NOVA1: variants seen among roughly 807,000 people sequenced by gnomAD.
NOVA1 encodes RNA-binding protein Nova-1.
In NOVA1, 7 loss-of-function variants were observed where a neutral mutation model predicts 38.0. The observed-to-expected ratio is 0.18, with a 90% confidence interval of 0.10 to 0.35. The LOEUF (loss-of-function observed/expected upper bound fraction) is 0.35. NOVA1 is among the 10% of genes least tolerant of loss of function. NOVA1 has a pLI of 1.00. For missense variants in NOVA1, 460 were observed against 616.0 expected (o/e 0.75, Z 2.68); for synonymous variants, 270 against 232.5 (o/e 1.16, Z -1.47).
intron 4 of NOVA1, among the ~76,000 whole-genome samples, chr14:26,466,877 A>C (rs1884185508): frequency 6.6e-6 from 1 of 152,188 alleles, no homozygotes; most frequent in Admixed American, 6.5e-5. Flanking sequence ...ACACAGCAAG[A>C]AAGCCCTCAT....
intron 3 of NOVA1, among the ~76,000 whole-genome samples, chr14:26,476,504 A>G (rs1009646103): frequency 6.6e-6 from 1 of 152,130 alleles, no homozygotes; most frequent in Non-Finnish European, 1.5e-5. Flanking sequence ...ACTTCTGCCA[A>G]TACAGTCTCC....
At chr14:26,566,699 A>G (rs1345823306) in intron 2 of NOVA1, among the ~76,000 whole-genome samples, 1 of 152,194 alleles carries the variant, frequency 6.6e-6, no homozygotes, top group Non-Finnish European at 1.5e-5. Context: ...GCTAAGAAAC[A>G]GAACCCACCA....
At chr14:26,549,592 C>T (rs1182531792) in intron 2 of NOVA1, 2 of 442,684 alleles carry the variant, frequency 4.5e-6, no homozygotes, top group Non-Finnish European at 7.8e-6. Context: ...TAACTGACCT[C>T]AATACACTTT....
At chr14:26,565,591 T>C (rs561999086) in intron 2 of NOVA1, among the ~76,000 whole-genome samples, 1 of 152,294 alleles carries the variant, frequency 6.6e-6, no homozygotes, top group South Asian at 2.1e-4. Flanking sequence ...GGCAACAAAC[T>C]TGATAGACAA....
rs371024111 is a variant in NOVA1, at chr14:26,543,330, G to C, written c.280+52080C>G. ...AACAATTTTATAAACTTCAATCTGA[G>C]TGTTCAGAAGAGATTCATTAATTAA... On this transcript the variant is annotated intron_variant, in intron 2 of 4. Transcript: ENST00000539517. Among the ~76,000 whole-genome samples the C allele has an allele frequency of 2.0e-5, 3 of 152,098 alleles. 1 individual carries two copies. The highest frequency in any genetic ancestry group is 6.6e-5 in the Admixed American group (1 of 15,266).
intron 2 of NOVA1, among the ~76,000 whole-genome samples, chr14:26,544,617 T>A (rs996327042): frequency 1.1e-4 from 16 of 151,992 alleles, no homozygotes; most frequent in Non-Finnish European, 2.2e-4. Context: ...TTTAATTCAT[T>A]AAACATTTTC....
intron 2 of NOVA1, among the ~76,000 whole-genome samples, chr14:26,513,575 G>T (rs901496390): frequency 4.0e-5 from 6 of 151,610 alleles, no homozygotes; most frequent in African/African-American, 1.4e-4. Flanking sequence ...TCTGAACAAT[G>T]AATGAATATA....
intron 2 of NOVA1, among the ~76,000 whole-genome samples, chr14:26,518,089 T>C (rs964437282): frequency 1.6e-4 from 25 of 152,138 alleles, no homozygotes; most frequent in African/African-American, 6.0e-4. Flanking sequence ...TGCCATATAA[T>C]TCATTTCAAA....
intron 2 of NOVA1, among the ~76,000 whole-genome samples, chr14:26,548,895 T>C (rs1033483393): frequency 3.3e-5 from 5 of 151,502 alleles, no homozygotes; most frequent in African/African-American, 1.2e-4. Flanking sequence ...TCGCTTGAGG[T>C]CAGGAGTTTG....
intron 2 of NOVA1, among the ~76,000 whole-genome samples, chr14:26,582,107 CAG>C (rs1893264046): frequency 6.6e-6 from 1 of 151,764 alleles, no homozygotes; most frequent in African/African-American, 2.4e-5. Flanking sequence ...TAATGAAATT[CAG>C]AGTCTGGCTT....
At chr14:26,455,244 C>G (rs1397689024) in intron 4 of NOVA1, among the ~76,000 whole-genome samples, 4 of 152,094 alleles carry the variant, frequency 2.6e-5, no homozygotes, top group Non-Finnish European at 4.4e-5. Flanking sequence ...AGATTTTAAA[C>G]CTAGGAGCTA....
intron 2 of NOVA1, among the ~76,000 whole-genome samples, chr14:26,534,089 ACT>A (rs1889910115): frequency 6.6e-6 from 1 of 152,194 alleles, no homozygotes; most frequent in South Asian, 2.1e-4. Context: ...AACTAGCATA[ACT>A]CTGATAATCA....
intron 2 of NOVA1, among the ~76,000 whole-genome samples, chr14:26,502,992 T>C (rs1317419850): frequency 6.6e-6 from 1 of 152,070 alleles, no homozygotes; most frequent in Non-Finnish European, 1.5e-5. Flanking sequence ...CATATTTCTT[T>C]CAATGTCTGT....
At chr14:26,571,646 C>T (rs1353664257) in intron 2 of NOVA1, among the ~76,000 whole-genome samples, 1 of 152,168 alleles carries the variant, frequency 6.6e-6, no homozygotes, top group Non-Finnish European at 1.5e-5. Context: ...GAATATCTCA[C>T]ATCAGGTTTT....
At chr14:26,564,944 T>C (rs960250737) in intron 2 of NOVA1, among the ~76,000 whole-genome samples, 28 of 152,184 alleles carry the variant, frequency 1.8e-4, no homozygotes, top group Admixed American at 6.5e-4. Context: ...CCTAACTTCT[T>C]AAAATGTAAT....
intron 2 of NOVA1, among the ~76,000 whole-genome samples, chr14:26,591,504 T>C (rs910216003): frequency 6.6e-6 from 1 of 151,744 alleles, no homozygotes. Flanking sequence ...ATGTCCAATA[T>C]TCTTTGCATC....
At chr14:26,505,645 C>A (rs1258516535) in intron 2 of NOVA1, among the ~76,000 whole-genome samples, 1 of 152,104 alleles carries the variant, frequency 6.6e-6, no homozygotes, top group Non-Finnish European at 1.5e-5. Flanking sequence ...AAATAATACA[C>A]ATAATACACA....
At chr14:26,534,511 A>G (rs984218192) in intron 2 of NOVA1, among the ~76,000 whole-genome samples, 1 of 152,164 alleles carries the variant, frequency 6.6e-6, no homozygotes, top group South Asian at 2.1e-4. Context: ...ATAAAAAAAC[A>G]TATAATCACA....
intron 4 of NOVA1, among the ~76,000 whole-genome samples, chr14:26,466,002 T>C (rs1301609931): frequency 6.6e-6 from 1 of 152,060 alleles, no homozygotes; most frequent in Non-Finnish European, 1.5e-5. Context: ...GAGGCCAGGT[T>C]GCCATATAAG....
Sources: allele counts gnomAD v4.1 joint callset (sites outside exome capture counted in the v4.1 genomes callset), GRCh38; gene constraint gnomAD v4.1.1; transcripts MANE v1.5; gene names NCBI Gene and HGNC (gene_info 2026-07-23, HGNC 2026-07-21).